The following XPO6 variants were observed in gnomAD, a reference collection of about 807,000 sequenced individuals.
XPO6 encodes the protein exportin-6.
A neutral mutation model predicts 130.0 loss-of-function variants in XPO6; 3 were observed. The ratio of observed to expected loss-of-function variants is 0.02; its 90% CI spans 0.01 to 0.06. The LOEUF (loss-of-function observed/expected upper bound fraction) is 0.06. XPO6 is among the 10% of genes least tolerant of loss of function. The pLI is 1.00. For synonymous variants in XPO6, 524 were observed against 548.9 expected (o/e 0.95, Z 0.63); for missense variants, 970 against 1,393.0 (o/e 0.70, Z 4.83).
chr16:28,186,374 C>CTTTTTTTTTTTTTTTTTTTTTTTT lies in XPO6; in HGVS notation c.4-5344_4-5343insAAAAAAAAAAAAAAAAAAAAAAAA, dbSNP rs60754642. ...TATAGATTTTTCTGCCCCAGTTATT[C>CTTTTTTTTTTTTTTTTTTTTTTTT]TTTTTTTTTTTTTTTTTGCTAAAGA... is the stretch of plus-strand genomic sequence containing the variant. On this transcript the variant is annotated intron_variant, in intron 1 of 23. Transcript: ENST00000304658. 2.5e-3 allele frequency among the ~76,000 whole-genome samples: 200 copies of CTTTTTTTTTTTTTTTTTTTTTTTT among 81,422 alleles called. 50 individuals are homozygous for CTTTTTTTTTTTTTTTTTTTTTTTT. Among genetic ancestry groups the CTTTTTTTTTTTTTTTTTTTTTTTT allele is most frequent in the African/African-American group, 7.3e-3 (111 of 15,256 alleles). The allele number at this position is 81,422 out of a possible 152,430, so 53.4% of individuals were successfully genotyped here.
intron 15 of XPO6, among the ~76,000 whole-genome samples, chr16:28,114,696 TTAAAA>T (rs2087010107): frequency 6.6e-6 from 1 of 152,210 alleles, no homozygotes; most frequent in African/African-American, 2.4e-5. Flanking sequence ...TGGCAATTAC[TTAAAA>T]TAAGACAACA....
chr16:28,143,595 T>C (rs1273225565), intron 9 of XPO6, among the ~76,000 whole-genome samples: 1 of 152,236 alleles, frequency 6.6e-6, no homozygotes, highest in African/African-American at 2.4e-5. Context: ...TCTGCTAGTA[T>C]ATATTTTCTC....
At chr16:28,126,118 C>A (rs1469775231) in intron 12 of XPO6, among the ~76,000 whole-genome samples, 1 of 152,136 alleles carries the variant, frequency 6.6e-6, no homozygotes, top group Admixed American at 6.5e-5. Flanking sequence ...GTGGAGGGAG[C>A]CCCTGATCTG....
intron 6 of XPO6, among the ~76,000 whole-genome samples, chr16:28,165,053 C>CA (rs576523429): frequency 5.1e-4 from 77 of 152,088 alleles, no homozygotes; most frequent in African/African-American, 1.7e-3. Flanking sequence ...CCCGTCTCTA[C>CA]AAAAAATACA....
At chr16:28,186,304 A>G (rs1010900253) in intron 1 of XPO6, among the ~76,000 whole-genome samples, 1 of 149,378 alleles carries the variant, frequency 6.7e-6, no homozygotes, top group Non-Finnish European at 1.5e-5. Context: ...AGGTTTTCCA[A>G]TTCCAATCCA....
At chr16:28,179,113 G>C (rs1200210181) in intron 2 of XPO6, 3 of 152,122 alleles carry the variant, frequency 2.0e-5, no homozygotes, top group Non-Finnish European at 4.4e-5. Context: ...ATTTCAAAGA[G>C]GGCTCGTGGG....
chr16:28,173,274 T>C (rs2043483468), intron 4 of XPO6, among the ~76,000 whole-genome samples: 1 of 152,228 alleles, frequency 6.6e-6, no homozygotes, highest in Non-Finnish European at 1.5e-5. Flanking sequence ...GCACTGATCA[T>C]TGAGTACTGA....
At chr16:28,177,444 T>C (rs997722819) in intron 2 of XPO6, 112 bp from the exon 3 acceptor site, 2 of 587,564 alleles carry the variant, frequency 3.4e-6, no homozygotes, top group African/African-American at 3.8e-5. Context: ...ATGTAAATGA[T>C]GTCAAAACCA....
chr16:28,191,474 C>A (rs891816269), intron 1 of XPO6, among the ~76,000 whole-genome samples: 2 of 152,188 alleles, frequency 1.3e-5, no homozygotes, highest in African/African-American at 2.4e-5. Flanking sequence ...TTACTGGGCA[C>A]ATTAACACAA....
At chr16:28,138,565 G>C (rs1019274258) in intron 9 of XPO6, among the ~76,000 whole-genome samples, 8 of 152,104 alleles carry the variant, frequency 5.3e-5, no homozygotes, top group African/African-American at 1.9e-4. Context: ...GGTGGAGAAA[G>C]TATATGGCTG....
At chr16:28,190,028 T>A (rs541775203) in intron 1 of XPO6, among the ~76,000 whole-genome samples, 1 of 152,318 alleles carries the variant, frequency 6.6e-6, no homozygotes, top group East Asian at 1.9e-4. Context: ...GAAGTTCAAC[T>A]GATCCCACTG....
Position 28,098,571 on chromosome 16 carries a change from G to A in XPO6, c.3345C>T (p.Asn1115=), listed in dbSNP as rs749903930. The A allele has an allele frequency of 4.3e-6, 7 of 1,612,742 alleles. No individual in the cohort carries two copies. Among genetic ancestry groups the A allele is most frequent in the East Asian group, 4.5e-5 (2 of 44,796 alleles). ...TCACAGTGCCAGGGGGCAGGCTGTC[G>A]TTGCAGAGTCTGTAGTAGCGCAGGT... is the stretch of plus-strand genomic sequence containing the variant. ...VNDLRYYRLC[N]DSLPPGTVKL Residue 1115 remains asparagine, a synonymous_variant, in exon 24 of 24, where the codon AAC becomes AAT. Coordinates refer to ENST00000304658, the MANE Select transcript of XPO6 (RefSeq NM_015171.4).
At chr16:28,181,184 A>T (rs2043608854) in intron 1 of XPO6, 153 bp from the exon 2 acceptor site, 1 of 517,294 alleles carries the variant, frequency 1.9e-6, no homozygotes, top group Admixed American at 3.9e-5. Context: ...GCCAGAAAAA[A>T]CTGAAGGGAA....
chr16:28,209,235 T>A (rs2044085153), intron 1 of XPO6: 1 of 152,194 alleles, frequency 6.6e-6, no homozygotes, highest in African/African-American at 2.4e-5. Context: ...ATGGTGGTGA[T>A]CGTTGCACAA....
At chr16:28,186,898 A>AAATGAGAAT (rs2043704737) in intron 1 of XPO6, among the ~76,000 whole-genome samples, 1 of 152,068 alleles carries the variant, frequency 6.6e-6, no homozygotes, top group South Asian at 2.1e-4. Context: ...TTTGTTGGAG[A>AAATGAGAAT]AATGAGAATT....
rs756266275 is a variant in XPO6, at chr16:28,156,241, G to A, written c.930C>T (p.Val310=). Residue 310 remains valine (V), a synonymous_variant, in exon 7 of 24, where the codon GTC becomes GTT. Transcript: ENST00000304658. ...GTTCATTGATGCAGGACATGGCCAG[G>A]ACCCCCAGCCGGCCGCGCTCCTGAC... ...VSGQERGRLG[V]LAMSCINELM... is the part of the protein sequence containing the mutation. 3.7e-6 allele frequency: 6 copies of A among 1,614,152 alleles called. No individual in the cohort carries two copies. The highest frequency in any genetic ancestry group is 4.2e-6 in the Non-Finnish European group (5 of 1,180,030).
chr16:28,100,124 A>C (rs887322847), intron 23 of XPO6, among the ~76,000 whole-genome samples: 2 of 152,092 alleles, frequency 1.3e-5, no homozygotes, highest in African/African-American at 4.8e-5. Flanking sequence ...AGCAGCTGGG[A>C]TTACAGGCGT....
chr16:28,134,866 T>C (rs1391732319), intron 10 of XPO6, among the ~76,000 whole-genome samples: 1 of 152,186 alleles, frequency 6.6e-6, no homozygotes, highest in Non-Finnish European at 1.5e-5. Flanking sequence ...TCCACAAGCA[T>C]CCAGCTAGCT....
intron 12 of XPO6, among the ~76,000 whole-genome samples, chr16:28,131,506 G>A (rs950721010): frequency 7.2e-5 from 11 of 152,206 alleles, no homozygotes; most frequent in African/African-American, 2.7e-4. Context: ...GGGCAGGGAG[G>A]ACACATGTGG....
Sources: allele counts gnomAD v4.1 joint callset (sites outside exome capture counted in the v4.1 genomes callset), GRCh38; gene constraint gnomAD v4.1.1; transcripts MANE v1.5; gene names NCBI Gene and HGNC (gene_info 2026-07-23, HGNC 2026-07-21).